KCNN2: variants seen among roughly 807,000 people sequenced by gnomAD.
KCNN2 encodes the protein small conductance calcium-activated potassium channel protein 2.
In KCNN2, 24 loss-of-function variants were observed where a neutral mutation model predicts 55.5. The ratio of observed to expected loss-of-function variants is 0.43; its 90% confidence interval spans 0.31 to 0.61. The LOEUF (loss-of-function observed/expected upper bound fraction) is 0.61, where lower values mean the gene tolerates loss of function less well. Among genes scored for constraint, KCNN2 ranks in the 20% least tolerant of loss-of-function variants. The pLI is 0.08. For missense variants in KCNN2, 754 were observed against 853.6 expected (o/e 0.88, Z 1.45); for synonymous variants, 431 against 336.1 (o/e 1.28, Z -3.09).
intron 2 of KCNN2, among the ~76,000 whole-genome samples, chr5:114,343,069 G>T (rs903841066): frequency 3.3e-5 from 5 of 152,110 alleles, no homozygotes; most frequent in African/African-American, 1.2e-4. Flanking sequence ...AGTTTCTCAA[G>T]GAATCAGTTG....
chr5:114,306,452 T>C (rs905433196), intron 2 of KCNN2, among the ~76,000 whole-genome samples: 9 of 152,212 alleles, frequency 5.9e-5, no homozygotes, highest in East Asian at 3.9e-4. Flanking sequence ...TAATTTGCTA[T>C]GTAATTGGAG....
intron 2 of KCNN2, among the ~76,000 whole-genome samples, chr5:114,380,595 ATACTT>A (rs1393674981): frequency 6.6e-6 from 1 of 152,242 alleles, no homozygotes; most frequent in African/African-American, 2.4e-5. Context: ...GAATTCTACT[ATACTT>A]AGTCCAGTGC....
At chr5:114,191,498 A>T (rs1007432554) in intron 1 of KCNN2, among the ~76,000 whole-genome samples, 1 of 152,182 alleles carries the variant, frequency 6.6e-6, no homozygotes, top group Non-Finnish European at 1.5e-5. Flanking sequence ...TATGTAGCAT[A>T]AGGCATGTGG....
At chr5:114,375,617 A>G (rs1757905964) in intron 2 of KCNN2, among the ~76,000 whole-genome samples, 1 of 151,792 alleles carries the variant, frequency 6.6e-6, no homozygotes, top group South Asian at 2.1e-4. Flanking sequence ...TACTGCTTGA[A>G]CCTCTTGGTA....
intron 2 of KCNN2, among the ~76,000 whole-genome samples, chr5:114,323,797 T>C (rs999299350): frequency 2.0e-5 from 3 of 151,758 alleles, no homozygotes; most frequent in Non-Finnish European, 2.9e-5. Context: ...TACAGGCATG[T>C]GCCACCATGC....
Position 114,496,102 on chromosome 5 carries a change from A to G in KCNN2, c.2296A>G (p.Asn766Asp), listed in dbSNP as rs540192466. 26 of 1,614,036 alleles carry G rather than the reference A, an allele frequency of 1.6e-5. No homozygotes were observed. The South Asian group carries it at 1.9e-4, about 12-fold the overall frequency. ...GAGCTACGACAAGCACGTCACTTAC[A>G]ATGCTGAGCGGTCCCGGTCCTCGTC... ...MESYDKHVTY[N>D]AERSRSSSRR... Residue 766 changes from asparagine to aspartate, a missense_variant, in exon 8 of 8, where the codon AAT (asparagine) becomes GAT (aspartate). By Grantham distance (23) the Asn-to-Asp change is conservative. Transcript: ENST00000673685.
chr5:114,133,049 T>C (rs1325646481), intron 1 of KCNN2, among the ~76,000 whole-genome samples: 2 of 152,166 alleles, frequency 1.3e-5, no homozygotes, highest in Non-Finnish European at 2.9e-5. Flanking sequence ...TGATTAGAAT[T>C]ATTTTAAAAC....
rs544947295 is a variant in KCNN2, at chr5:114,085,231, A to G, written c.-271+28731A>G. 4.6e-5 allele frequency among the ~76,000 whole-genome samples: 7 copies of G among 151,922 alleles called. No homozygotes were observed. The East Asian group carries it at 7.7e-4, about 17-fold the overall frequency. On this transcript the variant is annotated intron_variant, in intron 1 of 10. Transcript: ENST00000512097. Reference sequence around the variant, plus strand: ...TTTCCCTTTCCATATAAACTTTAGCATCAGTTTATTGATTTCTACAAAGCA... The same window carrying G: ...TTTCCCTTTCCATATAAACTTTAGCGTCAGTTTATTGATTTCTACAAAGCA...
intron 2 of KCNN2, among the ~76,000 whole-genome samples, chr5:114,291,023 C>A (rs1755875736): frequency 6.6e-6 from 1 of 151,982 alleles, no homozygotes; most frequent in African/African-American, 2.4e-5. Flanking sequence ...GAGAATGTTT[C>A]ATGTACACTT....
chr5:114,113,807 CA>C (rs948352210), intron 1 of KCNN2, among the ~76,000 whole-genome samples: 5 of 152,040 alleles, frequency 3.3e-5, no homozygotes, highest in Non-Finnish European at 5.9e-5. Context: ...TCTTCATGGC[CA>C]AAAACTTCCT....
chr5:114,484,819 T>A (rs1762377901), intron 5 of KCNN2, among the ~76,000 whole-genome samples: 1 of 152,154 alleles, frequency 6.6e-6, no homozygotes, highest in Non-Finnish European at 1.5e-5. Flanking sequence ...TCAAAATAAA[T>A]TCCTGTATTT....
chr5:114,149,392 G>A (rs957866220), intron 1 of KCNN2, among the ~76,000 whole-genome samples: 1 of 152,144 alleles, frequency 6.6e-6, no homozygotes, highest in Non-Finnish European at 1.5e-5. Context: ...GTGCAGCGGG[G>A]CTCTTTCCTT....
chr5:114,479,126 C>G (rs1245561442), intron 5 of KCNN2, among the ~76,000 whole-genome samples: 1 of 151,768 alleles, frequency 6.6e-6, no homozygotes, highest in Non-Finnish European at 1.5e-5. Context: ...GAGCCAAGAC[C>G]CATCAGTGTG....
intron 2 of KCNN2, among the ~76,000 whole-genome samples, chr5:114,312,430 CACACATATATAT>C (rs1235303574): frequency 4.6e-4 from 10 of 21,754 alleles, no homozygotes; most frequent in South Asian, 1.7e-3. Context: ...CACACACACA[CACACATATATAT>C]ATATATATAT....
At chr5:114,349,930 T>A (rs1757177555) in intron 2 of KCNN2, among the ~76,000 whole-genome samples, 1 of 152,034 alleles carries the variant, frequency 6.6e-6, no homozygotes, top group Admixed American at 6.6e-5. Flanking sequence ...TCTGTCTTTT[T>A]AAATATAGGC....
At chr5:114,172,880 G>A (rs1753066306) in intron 1 of KCNN2, among the ~76,000 whole-genome samples, 1 of 151,478 alleles carries the variant, frequency 6.6e-6, no homozygotes, top group African/African-American at 2.4e-5. Context: ...TTATTCTGTG[G>A]GTTGTCTCTT....
intron 2 of KCNN2, among the ~76,000 whole-genome samples, chr5:114,314,526 C>T (rs1756461702): frequency 6.6e-6 from 1 of 152,102 alleles, no homozygotes; most frequent in East Asian, 1.9e-4. Context: ...TTAATCCTCT[C>T]TATATTTTTG....
In KCNN2 at chr5:114,298,991, T is replaced by C. The variant is rs189278974; in HGVS notation, c.-184-61954T>C. 8.5e-5 allele frequency among the ~76,000 whole-genome samples: 13 copies of C among 152,270 alleles called. 1 individual carries two copies. In the East Asian group the frequency reaches 1.9e-3, roughly 23 times the overall value. Reference sequence around the variant, plus strand: ...CACCTGATTAAACCTGAATAACAAATAGAATTTATTAGTAATTAACCCAGT... The same window carrying C: ...CACCTGATTAAACCTGAATAACAAACAGAATTTATTAGTAATTAACCCAGT... On this transcript the variant is annotated intron_variant, in intron 2 of 10. Coordinates refer to the KCNN2 transcript ENST00000512097.
At chr5:114,142,701 C>G (rs1752311175) in intron 1 of KCNN2, among the ~76,000 whole-genome samples, 1 of 151,998 alleles carries the variant, frequency 6.6e-6, no homozygotes, top group Non-Finnish European at 1.5e-5. Flanking sequence ...AACCACTGCT[C>G]AACAAAATAA....
Sources: gnomAD v4.1 joint callset for allele counts (sites outside exome capture counted in the v4.1 genomes callset) on GRCh38, gnomAD v4.1.1 for gene constraint, MANE v1.5 for transcripts, NCBI Gene and HGNC (gene_info 2026-07-23, HGNC 2026-07-21) for gene names.